TENT5D: variants seen among roughly 807,000 people sequenced by gnomAD.
TENT5D encodes terminal nucleotidyltransferase 5D.
For missense variants in TENT5D, 191 were observed against 287.0 expected (o/e 0.67, Z 2.42); for synonymous variants, 103 against 100.6 (o/e 1.02, Z -0.15).
At chrX:80,387,706 C>A (rs1931046468) in intron 3 of TENT5D, among the ~76,000 whole-genome samples, 1 of 111,070 alleles carries the variant, frequency 9.0e-6, no homozygotes, top group Admixed American at 9.6e-5. Flanking sequence ...GCCAGCATAG[C>A]ACTGGTCTCA....
At chrX:80,369,030 A>G (rs1290068032) in intron 3 of TENT5D, among the ~76,000 whole-genome samples, 5 of 111,828 alleles carry the variant, frequency 4.5e-5, no homozygotes, top group Non-Finnish European at 9.4e-5. Flanking sequence ...ATCTTTCCCT[A>G]GATACTGTCA....
chrX:80,392,558 G>A (rs1274905619), intron 3 of TENT5D, among the ~76,000 whole-genome samples: 2 of 77,940 alleles, frequency 2.6e-5, no homozygotes, highest in Non-Finnish European at 4.5e-5. Context: ...CGCCCAGGCC[G>A]GACTGCGGAC....
At chrX:80,340,845 A>G (rs748709426) in intron 2 of TENT5D, among the ~76,000 whole-genome samples, 2 of 112,342 alleles carry the variant, frequency 1.8e-5, no homozygotes, top group African/African-American at 6.5e-5. Context: ...ATAACCATTT[A>G]TCTAGCTATA....
chrX:80,388,617 T>G (rs1206650439), intron 3 of TENT5D, among the ~76,000 whole-genome samples: 1 of 111,943 alleles, frequency 8.9e-6, no homozygotes, highest in Non-Finnish European at 1.9e-5. Flanking sequence ...GTCCAAGTTG[T>G]AAGACAAAGT....
intron 3 of TENT5D, among the ~76,000 whole-genome samples, chrX:80,382,705 C>CCT (rs1930895071): frequency 0.043 from 1 of 23 alleles, no homozygotes; most frequent in Non-Finnish European, 0.12. Context: ...ATGGCGGACG[C>CCT]CCCCCCCCCA....
exon 3 of TENT5D, chrX:80,444,983 G>A (rs1462837377): frequency 8.2e-6 from 1 of 122,149 alleles, no homozygotes; most frequent in African/African-American, 3.3e-5. Flanking sequence ...ATTTCCACTT[G>A]GTTATGATTT....
At chrX:80,444,150 C>G (rs778302710) in exon 3 of TENT5D, 1 of 127,316 alleles carries the variant, frequency 7.9e-6, no homozygotes, top group South Asian at 3.5e-4. Context: ...ACATTTAGTT[C>G]TTTTTTTCTA....
chrX:80,399,511 G>A (rs1174146908), intron 3 of TENT5D, among the ~76,000 whole-genome samples: 1 of 111,833 alleles, frequency 8.9e-6, no homozygotes, highest in African/African-American at 3.3e-5. Context: ...CTATCACTTT[G>A]TAGTGGGTTT....
chrX:80,352,856 A>G (rs1930213470), intron 3 of TENT5D, among the ~76,000 whole-genome samples: 1 of 110,904 alleles, frequency 9.0e-6, no homozygotes. Flanking sequence ...TGTGGACTGG[A>G]AAAACCATAG....
At chrX:80,397,039 A>T (rs1461011012) in intron 3 of TENT5D, among the ~76,000 whole-genome samples, 21 of 63,154 alleles carry the variant, frequency 3.3e-4, no homozygotes, top group African/African-American at 1.3e-3. Flanking sequence ...GCTGACCCCC[A>T]CCTCCCTCCC....
At chrX:80,418,797 T>C (rs1316756538), upstream of TENT5D, among the ~76,000 whole-genome samples, 3 of 111,980 alleles carry the variant, frequency 2.7e-5, no homozygotes, top group Non-Finnish European at 5.6e-5. Context: ...AAACATGTAG[T>C]ACTTTACAGA....
upstream of TENT5D, among the ~76,000 whole-genome samples, chrX:80,419,515 A>G (rs1602218084): frequency 8.9e-6 from 1 of 111,811 alleles, no homozygotes; most frequent in South Asian, 3.7e-4. Context: ...TAGCCAGACA[A>G]TTTTCTTCCT....
intron 3 of TENT5D, among the ~76,000 whole-genome samples, chrX:80,372,770 C>G (rs1465251842): frequency 7.4e-5 from 8 of 108,825 alleles, no homozygotes. Flanking sequence ...ACCTGTAATC[C>G]CAGCTACTCA....
chrX:80,431,385 C>G (rs941578194), intron 1 of TENT5D, among the ~76,000 whole-genome samples: 1 of 111,733 alleles, frequency 8.9e-6, no homozygotes, highest in African/African-American at 3.3e-5. Context: ...CTAGATGGCG[C>G]TGTAAGGTCT....
chrX:80,374,722 C>T (rs1930692679), intron 3 of TENT5D, among the ~76,000 whole-genome samples: 3 of 111,256 alleles, frequency 2.7e-5, no homozygotes, highest in Admixed American at 9.7e-5. Flanking sequence ...TTAGGTCTCC[C>T]TGTGACCTAC....
intron 3 of TENT5D, among the ~76,000 whole-genome samples, chrX:80,355,625 T>C (rs1367354321): frequency 9.0e-6 from 1 of 111,591 alleles, no homozygotes; most frequent in Non-Finnish European, 1.9e-5. Flanking sequence ...ATTCTGCAGG[T>C]TTGTGACCAT....
chrX:80,430,077 A>G (rs1264302729), intron 1 of TENT5D, among the ~76,000 whole-genome samples: 1 of 109,851 alleles, frequency 9.1e-6, no homozygotes, highest in Non-Finnish European at 1.9e-5. Context: ...TTTGTCTCTG[A>G]ATCTCTCTGC....
At chrX:80,409,222 C>T (rs1215807040) in intron 3 of TENT5D, among the ~76,000 whole-genome samples, 2 of 111,120 alleles carry the variant, frequency 1.8e-5, no homozygotes, top group Admixed American at 9.6e-5. Context: ...CACTCCTATT[C>T]AACGTACTGT....
chrX:80,425,215 T>G (rs924509049), intron 1 of TENT5D, among the ~76,000 whole-genome samples: 1 of 112,810 alleles, frequency 8.9e-6, no homozygotes. Context: ...ATGTAGTGTC[T>G]GAATTTTAGA....
Sources: allele counts gnomAD v4.1 joint callset (sites outside exome capture counted in the v4.1 genomes callset), GRCh38; gene constraint gnomAD v4.1.1; transcripts MANE v1.5; gene names NCBI Gene and HGNC (gene_info 2026-07-23, HGNC 2026-07-21).